Variants in TLN2 observed in about 807,000 individuals in gnomAD.
TLN2 encodes the protein talin-2.
A neutral mutation model predicts 294.7 loss-of-function variants in TLN2; 118 were observed. The ratio of observed to expected loss-of-function variants is 0.40; its 90% CI spans 0.34 to 0.47. TLN2 has a LOEUF of 0.47. Ranked by LOEUF, TLN2 falls within the 20% of genes least tolerant of loss-of-function variation. The pLI, the probability that TLN2 is intolerant of heterozygous loss-of-function variation, is 0.84. For synonymous variants in TLN2, 1,431 were observed against 1,304.5 expected (o/e 1.10, Z -2.09); for missense variants, 3,083 against 3,282.2 (o/e 0.94, Z 1.48).
chr15:62,614,245 T>C (rs1256557785), intron 2 of TLN2, among the ~76,000 whole-genome samples: 1 of 152,210 alleles, frequency 6.6e-6, no homozygotes, highest in Non-Finnish European at 1.5e-5. Context: ...TTCTGAATCA[T>C]TTATTAGCTA....
At position 62,805,692 on chromosome 15, in the gene TLN2, C is replaced by A. The variant is rs765812711; in HGVS notation, c.6570C>A (p.Ala2190=). Residue 2190 remains alanine (A), a synonymous_variant, in exon 51 of 59, where the codon GCC becomes GCA. Coordinates refer to ENST00000636159, the MANE Select transcript of TLN2 (RefSeq NM_015059.3). ...TKGITMATAK[A]VAAGNSCRQE... ...GCATCACCATGGCAACAGCCAAAGC[C>A]GTGGCAGCTGGGAACTCATGTAGAC... 1.2e-6 allele frequency: 2 copies of A among 1,614,052 alleles called. No individual in the cohort carries two copies. The highest frequency in any genetic ancestry group is 1.3e-5 in the African/African-American group (1 of 74,936).
At position 62,647,561 on chromosome 15, in the gene TLN2, A is replaced by G. The variant is rs543042136; in HGVS notation, c.136+115A>G. ...CAAGCCTATTAGTGCATATGTTTCAAATGAAATACCTTCTTAGATCAGACA... is the reference window on the plus strand; with the variant it reads ...CAAGCCTATTAGTGCATATGTTTCAGATGAAATACCTTCTTAGATCAGACA... On this transcript the variant is annotated intron_variant, in intron 4 of 58. Transcript: ENST00000636159. 1.6e-4 allele frequency: 219 copies of G among 1,398,338 alleles called. No individual in the cohort carries two copies. In the African/African-American group the frequency reaches 2.9e-3, roughly 18 times the overall value. 86.6% of individuals were successfully genotyped at this position (1,398,338 alleles called of 1,614,324 possible).
At chr15:62,766,972 T>A (rs570233914) in intron 41 of TLN2, among the ~76,000 whole-genome samples, 1 of 152,320 alleles carries the variant, frequency 6.6e-6, no homozygotes, top group African/African-American at 2.4e-5. Flanking sequence ...CCAGATGATA[T>A]CTTGCCTGGT....
intron 3 of TLN2, among the ~76,000 whole-genome samples, chr15:62,630,622 T>A (rs2049709084): frequency 1.3e-5 from 2 of 152,180 alleles, no homozygotes; most frequent in African/African-American, 4.8e-5. Context: ...TCTGGAGGTA[T>A]ATCACAACAA....
intron 21 of TLN2, among the ~76,000 whole-genome samples, chr15:62,710,017 G>A (rs2059323550): frequency 6.6e-6 from 1 of 152,212 alleles, no homozygotes; most frequent in Non-Finnish European, 1.5e-5. Context: ...TTACAGGGGT[G>A]AGCCACCATG....
chr15:62,547,957 C>T (rs1227216796), intron 1 of TLN2, among the ~76,000 whole-genome samples: 2 of 152,090 alleles, frequency 1.3e-5, no homozygotes, highest in Middle Eastern at 3.2e-3. Context: ...TTTGCATCTG[C>T]CTATACAGGA....
chr15:62,810,511 G>A (rs946576532), intron 52 of TLN2, among the ~76,000 whole-genome samples: 1 of 152,116 alleles, frequency 6.6e-6, no homozygotes, highest in East Asian at 1.9e-4. Flanking sequence ...CGAATGAATG[G>A]CTTAGATCCC....
At chr15:62,763,458 G>C in intron 39 of TLN2, 105 bp from the exon 40 acceptor site, 1 of 1,453,884 alleles carries the variant, frequency 6.9e-7, no homozygotes, top group Non-Finnish European at 9.1e-7. Flanking sequence ...GGAGGTGACT[G>C]TGTCAGGGAG....
At chr15:62,700,512 G>A (rs979905111) in intron 16 of TLN2, among the ~76,000 whole-genome samples, 8 of 152,266 alleles carry the variant, frequency 5.3e-5, no homozygotes, top group South Asian at 2.1e-4. Context: ...TGATTTGCCC[G>A]AGGTCCTGTC....
chr15:62,480,821 GCCCTTTC>G (rs1305242203), intron 1 of TLN2, among the ~76,000 whole-genome samples: 1 of 152,118 alleles, frequency 6.6e-6, no homozygotes, highest in Non-Finnish European at 1.5e-5. Flanking sequence ...AGAGACACAA[GCCCTTTC>G]CCTTTCTGAT....
intron 26 of TLN2, among the ~76,000 whole-genome samples, chr15:62,724,270 T>C (rs1344404351): frequency 6.6e-6 from 1 of 152,198 alleles, no homozygotes; most frequent in African/African-American, 2.4e-5. Context: ...TAGTGGCACA[T>C]AGAAATCAAT....
chr15:62,686,939 T>G (rs577034181), intron 12 of TLN2, 143 bp downstream of exon 12: 52 of 1,185,930 alleles, frequency 4.4e-5, no homozygotes, highest in Admixed American at 2.2e-4. Context: ...TGCAAGCCCA[T>G]GGGCAGGGAA....
At chr15:62,656,659 T>C (rs1444600977) in intron 8 of TLN2, among the ~76,000 whole-genome samples, 1 of 152,188 alleles carries the variant, frequency 6.6e-6, no homozygotes, top group Non-Finnish European at 1.5e-5. Context: ...CCAGCTTCCT[T>C]TCTTCCTTTC....
intron 1 of TLN2, among the ~76,000 whole-genome samples, chr15:62,412,250 G>A (rs896603853): frequency 6.6e-6 from 1 of 152,174 alleles, no homozygotes; most frequent in African/African-American, 2.4e-5. Context: ...GGAAAGGCTT[G>A]CCTAGAGGAC....
At chr15:62,594,420 C>T (rs1466352014) in intron 2 of TLN2, among the ~76,000 whole-genome samples, 1 of 152,112 alleles carries the variant, frequency 6.6e-6, no homozygotes, top group Non-Finnish European at 1.5e-5. Flanking sequence ...GTTGCCCAGG[C>T]TGGTTTCAAA....
intron 1 of TLN2, among the ~76,000 whole-genome samples, chr15:62,458,227 G>C (rs1461742687): frequency 6.6e-6 from 1 of 152,118 alleles, no homozygotes; most frequent in African/African-American, 2.4e-5. Flanking sequence ...GCTTACTCTT[G>C]TGCCCAGGCC....
chr15:62,593,175 C>T (rs1223819359), intron 2 of TLN2, among the ~76,000 whole-genome samples: 1 of 152,152 alleles, frequency 6.6e-6, no homozygotes, highest in Non-Finnish European at 1.5e-5. Context: ...TTCCATGCTT[C>T]CTTCATTAAA....
intron 42 of TLN2, among the ~76,000 whole-genome samples, chr15:62,775,724 C>A (rs1364612620): frequency 6.6e-6 from 1 of 152,242 alleles, no homozygotes; most frequent in African/African-American, 2.4e-5. Flanking sequence ...GATGCAGTAT[C>A]TTGGCCTTTT....
chr15:62,506,172 A>G (rs1003584988), intron 1 of TLN2, among the ~76,000 whole-genome samples: 3 of 152,142 alleles, frequency 2.0e-5, no homozygotes, highest in Non-Finnish European at 4.4e-5. Flanking sequence ...GGAAACTGTG[A>G]TATCTCCAGG....
Sources: gnomAD v4.1 joint callset for allele counts (sites outside exome capture counted in the v4.1 genomes callset) on GRCh38, gnomAD v4.1.1 for gene constraint, MANE v1.5 for transcripts, NCBI Gene and HGNC (gene_info 2026-07-23, HGNC 2026-07-21) for gene names.